PCDHA7: variants seen among roughly 807,000 people sequenced by gnomAD.
PCDHA7 encodes protocadherin alpha-7.
In PCDHA7, 37 loss-of-function variants were observed where a neutral mutation model predicts 57.2. The observed-to-expected ratio is 0.65, with a 90% CI of 0.50 to 0.85. The LOEUF (loss-of-function observed/expected upper bound fraction) is 0.85, where lower values mean the gene tolerates loss of function less well. Ranked by LOEUF, PCDHA7 falls within the 40% of genes least tolerant of loss-of-function variation. The probability of loss-of-function intolerance (pLI) is 0.00; values close to 1 mark genes in which losing one functional copy is unlikely to be tolerated. For missense variants in PCDHA7, 1,188 were observed against 1,241.8 expected (o/e 0.96, Z 0.65); for synonymous variants, 553 against 558.8 (o/e 0.99, Z 0.15).
rs2150398719 is a variant in PCDHA7 at position 140,847,297 on chromosome 5, C to G, written c.2355+10559C>G. ...GAACGGGAAGACAAACTCAGAAGCT[C>G]CTGCAGTAATCAAGGACAGAAGCAA... On this transcript the variant is annotated intron_variant, in intron 1 of 3. Transcript: ENST00000525929. Among the ~76,000 whole-genome samples the G allele has an allele frequency of 1.1e-4, 16 of 149,638 alleles. 2 individuals carry two copies. The highest frequency in any genetic ancestry group is 3.9e-4 in the African/African-American group (16 of 40,870).
chr5:140,951,863 C>T (rs991949987), intron 1 of PCDHA7, among the ~76,000 whole-genome samples: 10 of 152,096 alleles, frequency 6.6e-5, no homozygotes, highest in Non-Finnish European at 7.3e-5. Flanking sequence ...TCCAAAGTCT[C>T]ATCTGAGACA....
rs561153933 is a variant in PCDHA7, at chr5:140,927,279, G to A, written c.2356-51670G>A. Reference sequence around the variant, plus strand: ...CACCTCTCTTTCCTGCCGGCGACGTGCAGCTGCACATCCCCGAGTTCCTGA... The same window carrying A: ...CACCTCTCTTTCCTGCCGGCGACGTACAGCTGCACATCCCCGAGTTCCTGA... On this transcript the variant is annotated intron_variant, in intron 1 of 3. Transcript: ENST00000525929. 14 of 1,614,136 alleles carry A rather than the reference G, an allele frequency of 8.7e-6. 1 individual carries two copies. The South Asian group carries it at 1.4e-4, about 16-fold the overall frequency.
intron 1 of PCDHA7, among the ~76,000 whole-genome samples, chr5:140,899,690 C>T (rs1340913543): frequency 6.6e-6 from 1 of 152,156 alleles, no homozygotes; most frequent in Non-Finnish European, 1.5e-5. Flanking sequence ...TGATGCTGGC[C>T]TCATAAAATG....
At chr5:140,857,621 G>C (rs962164938) in intron 1 of PCDHA7, 3 of 1,596,644 alleles carry the variant, frequency 1.9e-6, no homozygotes, top group East Asian at 4.5e-5. Flanking sequence ...GCTGGACCAC[G>C]AGGAGCTGGA....
chr5:140,974,636 C>T (rs1208653634), intron 1 of PCDHA7, among the ~76,000 whole-genome samples: 2 of 152,054 alleles, frequency 1.3e-5, no homozygotes, highest in African/African-American at 4.8e-5. Flanking sequence ...CTCAACCTCC[C>T]GAGTAGCTGA....
chr5:140,903,966 T>A (rs568850758), intron 1 of PCDHA7, among the ~76,000 whole-genome samples: 1 of 152,360 alleles, frequency 6.6e-6, no homozygotes, highest in Admixed American at 6.5e-5. Context: ...TTTGTTGATT[T>A]TTGGTCTATT....
At chr5:140,873,002 T>G (rs1454301001) in intron 1 of PCDHA7, among the ~76,000 whole-genome samples, 1 of 152,218 alleles carries the variant, frequency 6.6e-6, no homozygotes, top group East Asian at 1.9e-4. Flanking sequence ...TTCTGAGTCA[T>G]TCTTCATATT....
chr5:140,924,318 G>C (rs550515387), intron 1 of PCDHA7, among the ~76,000 whole-genome samples: 71 of 152,282 alleles, frequency 4.7e-4, no homozygotes, highest in African/African-American at 1.3e-3. Context: ...AATTTTATCT[G>C]AGACTTGGTG....
chr5:140,972,621 G>T (rs1278363112), intron 1 of PCDHA7, among the ~76,000 whole-genome samples: 1 of 148,458 alleles, frequency 6.7e-6, no homozygotes, highest in South Asian at 2.1e-4. Flanking sequence ...ACTGAATGTT[G>T]TTGGCACTCC....
chr5:141,006,048 G>T (rs1158028347), intron 3 of PCDHA7, among the ~76,000 whole-genome samples: 1 of 150,984 alleles, frequency 6.6e-6, no homozygotes, highest in Non-Finnish European at 1.5e-5. Context: ...TTGTAGATGA[G>T]AGTGGAGAAG....
intron 1 of PCDHA7, chr5:140,927,292 C>A: frequency 6.2e-7 from 1 of 1,614,162 alleles, no homozygotes; most frequent in East Asian, 2.2e-5. Flanking sequence ...GCTGCACATC[C>A]CCGAGTTCCT....
intron 1 of PCDHA7, chr5:140,848,752 T>C (rs2040584005): frequency 1.3e-6 from 2 of 1,593,188 alleles, no homozygotes; most frequent in Non-Finnish European, 1.7e-6. Context: ...ATTTTGTTTG[T>C]GAATTCTCGG....
intron 1 of PCDHA7, chr5:140,869,089 C>G: frequency 6.3e-7 from 1 of 1,588,998 alleles, no homozygotes; most frequent in Non-Finnish European, 8.6e-7. Context: ...ATTTTGGAAG[C>G]CAATTTCGTA....
chr5:140,863,047 C>G (rs1554157583), intron 1 of PCDHA7: 1 of 560,866 alleles, frequency 1.8e-6, no homozygotes. Flanking sequence ...TGTCAGCTGG[C>G]AGCACCCGTT....
chr5:140,868,890 G>A (rs1013785921), intron 1 of PCDHA7: 2 of 748,714 alleles, frequency 2.7e-6, no homozygotes, highest in African/African-American at 1.8e-5. Flanking sequence ...AGTTTTAGGC[G>A]CAAGGTGTCG....
chr5:140,839,126 A>G (rs1399665834), intron 1 of PCDHA7, among the ~76,000 whole-genome samples: 8 of 151,272 alleles, frequency 5.3e-5, no homozygotes, highest in East Asian at 3.9e-4. Context: ...ATAATATGTC[A>G]TTCACATAAG....
intron 1 of PCDHA7, chr5:140,842,909 C>T: frequency 6.3e-7 from 1 of 1,594,530 alleles, no homozygotes; most frequent in Non-Finnish European, 8.6e-7. Flanking sequence ...GGAGCTAGAG[C>T]TGCTGCAGTT....
intron 1 of PCDHA7, among the ~76,000 whole-genome samples, chr5:140,946,631 T>TATACATACAC (rs57893927): frequency 7.6e-6 from 1 of 131,846 alleles, no homozygotes; most frequent in Non-Finnish European, 1.5e-5. Context: ...TATATATATA[T>TATACATACAC]ACAATGGAAT....
intron 1 of PCDHA7, among the ~76,000 whole-genome samples, chr5:140,953,061 G>A (rs919542084): frequency 2.0e-5 from 3 of 152,064 alleles, no homozygotes; most frequent in African/African-American, 7.2e-5. Flanking sequence ...CCTCTCACAG[G>A]CCCCATCTCC....
Sources: gnomAD v4.1 joint callset for allele counts (sites outside exome capture counted in the v4.1 genomes callset) on GRCh38, gnomAD v4.1.1 for gene constraint, MANE v1.5 for transcripts, NCBI Gene and HGNC (gene_info 2026-07-23, HGNC 2026-07-21) for gene names.